The following MAP3K13 variants were observed in gnomAD, a reference collection of about 807,000 sequenced individuals.
MAP3K13 encodes mitogen-activated protein kinase kinase kinase 13, also known as leucine zipper-bearing kinase.
A neutral mutation model predicts 104.0 loss-of-function variants in MAP3K13; 52 were observed. That is an observed-to-expected ratio of 0.50 (90% CI 0.40 to 0.63). The LOEUF (loss-of-function observed/expected upper bound fraction) is 0.63. Among genes scored for constraint, MAP3K13 ranks in the 20% least tolerant of loss-of-function variants. The probability of loss-of-function intolerance (pLI) is 0.00; values close to 1 mark genes in which losing one functional copy is unlikely to be tolerated. For missense variants in MAP3K13, 914 were observed against 1,218.5 expected (o/e 0.75, Z 3.72); for synonymous variants, 394 against 442.2 (o/e 0.89, Z 1.37).
intron 1 of MAP3K13, among the ~76,000 whole-genome samples, chr3:185,285,191 C>A (rs1577392236): frequency 2.0e-5 from 3 of 152,084 alleles, no homozygotes; most frequent in Admixed American, 6.5e-5. Context: ...TACCCTTAAA[C>A]CTTGTGTTCC....
At chr3:185,384,331 TGTGTGTGA>T (rs964669726) in intron 1 of MAP3K13, among the ~76,000 whole-genome samples, 2 of 151,926 alleles carry the variant, frequency 1.3e-5, no homozygotes, top group African/African-American at 4.8e-5. Flanking sequence ...TGTGTGTGTG[TGTGTGTGA>T]GACACATTGT....
At chr3:185,362,993 AGTCT>A (rs1331456705), upstream of MAP3K13, 3 of 630,902 alleles carry the variant, frequency 4.8e-6, no homozygotes, top group Non-Finnish European at 5.9e-6. Context: ...TCAAGCTGCC[AGTCT>A]GTCTTAAGGC....
intron 1 of MAP3K13, among the ~76,000 whole-genome samples, chr3:185,400,916 T>G (rs1208785044): frequency 6.6e-6 from 1 of 150,468 alleles, no homozygotes; most frequent in African/African-American, 2.4e-5. Flanking sequence ...TTTTTTTTTT[T>G]TTTTTTGTCT....
chr3:185,292,584 G>A (rs2108674060), intron 2 of MAP3K13: 1 of 878,638 alleles, frequency 1.1e-6, no homozygotes, highest in Non-Finnish European at 1.4e-6. Flanking sequence ...ATGAAATAAT[G>A]TACATGAAAA....
chr3:185,294,896 A>T (rs1313813027), intron 2 of MAP3K13, among the ~76,000 whole-genome samples: 2 of 152,150 alleles, frequency 1.3e-5, no homozygotes, highest in African/African-American at 4.8e-5. Flanking sequence ...CTTTCAAATT[A>T]TTCACCTGTT....
At position 185,482,824 on chromosome 3, in the gene MAP3K13, A is replaced by C; in HGVS notation, c.*368A>C. 4.3e-6 allele frequency: 1 copy of C among 234,512 alleles called. No homozygotes were observed. Among genetic ancestry groups the C allele is most frequent in the Non-Finnish European group, 8.3e-6 (1 of 119,794 alleles). The allele number at this position is 234,512 out of a possible 1,614,324, so 14.5% of individuals were successfully genotyped here. On this transcript the variant is annotated 3_prime_UTR_variant, in exon 14 of 14. Coordinates refer to ENST00000265026, the MANE Select transcript of MAP3K13 (RefSeq NM_004721.5). The surrounding 1 kb of genome is among the most constrained non-coding windows in gnomAD (Gnocchi z 4.5). ...AATAATTTCTTGCAAAAAAAAAAAG[A>C]GATAAAAGAAAGAACAGAAAAAAAG...
At chr3:185,453,502 C>T (rs1454502934) in intron 7 of MAP3K13, among the ~76,000 whole-genome samples, 1 of 151,958 alleles carries the variant, frequency 6.6e-6, no homozygotes, top group Non-Finnish European at 1.5e-5. Flanking sequence ...GGGAGCTGAA[C>T]AAGTCCTTAA....
chr3:185,442,189 TA>T (rs35886405), intron 3 of MAP3K13, among the ~76,000 whole-genome samples: 101,141 of 144,686 alleles, frequency 0.7, 34,738 homozygotes, highest in Middle Eastern at 0.77. Context: ...GACTCTTTCT[TA>T]AAAAAAAAAA....
At chr3:185,441,396 G>A (rs1715312595) in intron 3 of MAP3K13, among the ~76,000 whole-genome samples, 1 of 152,172 alleles carries the variant, frequency 6.6e-6, no homozygotes, top group Non-Finnish European at 1.5e-5. Context: ...TGAACCTCTA[G>A]GCGTTGAGGT....
At chr3:185,358,946 C>G (rs982223983), upstream of MAP3K13, among the ~76,000 whole-genome samples, 3 of 152,178 alleles carry the variant, frequency 2.0e-5, no homozygotes, top group Non-Finnish European at 4.4e-5. Flanking sequence ...AAGATATTCC[C>G]CAACCACCTG....
rs1215316778 is a variant in MAP3K13, at chr3:185,482,381, C to T, written c.2826C>T (p.Asp942=). The T allele has an allele frequency of 3.1e-6, 5 of 1,613,758 alleles. No homozygotes were observed. Among genetic ancestry groups the T allele is most frequent in the African/African-American group, 1.3e-5 (1 of 74,934 alleles). The change falls in exon 14 of 14, where the codon GAC becomes GAT. Residue 942 remains aspartate, a synonymous_variant. Coordinates refer to ENST00000265026, the MANE Select transcript of MAP3K13 (RefSeq NM_004721.5). The surrounding 1 kb of genome is among the most constrained non-coding windows in gnomAD (Gnocchi z 4.5). ...YENPMQFEES[D]CDSSDGECSD... ...ACCCCATGCAGTTTGAAGAATCGGA[C>T]TGTGACTCTTCAGATGGGGAGTGTT...
At position 185,321,085 on chromosome 3, in the gene MAP3K13, CAT is replaced by C. The variant is rs561786609; in HGVS notation, c.-86+35446_-86+35447del. Among the ~76,000 whole-genome samples the C allele has an allele frequency of 2.7e-3, 402 of 151,682 alleles. 4 individuals are homozygous for C. Among genetic ancestry groups the C allele is most frequent in the African/African-American group, 9.1e-3 (378 of 41,328 alleles). On this transcript the variant is annotated intron_variant, in intron 2 of 14. Coordinates refer to the MAP3K13 transcript ENST00000424227. ...GCATGCACACACATATGCGTGCACA[CAT>C]ATACACATGCGTGCACACACATATG...
chr3:185,432,563 C>A (rs998840866), intron 2 of MAP3K13, among the ~76,000 whole-genome samples: 1 of 151,916 alleles, frequency 6.6e-6, no homozygotes, highest in Non-Finnish European at 1.5e-5. Context: ...CATAAGTGAT[C>A]GAGTACATTT....
chr3:185,287,165 G>C (rs1720542944), intron 2 of MAP3K13, among the ~76,000 whole-genome samples: 1 of 152,082 alleles, frequency 6.6e-6, no homozygotes, highest in Non-Finnish European at 1.5e-5. Flanking sequence ...ACAGTATATT[G>C]CATGTTGCTG....
intron 2 of MAP3K13, among the ~76,000 whole-genome samples, chr3:185,335,546 C>T (rs1240528680): frequency 6.6e-6 from 1 of 152,084 alleles, no homozygotes; most frequent in African/African-American, 2.4e-5. Flanking sequence ...TTCCTTGCTG[C>T]AGGTTCCATA....
intron 2 of MAP3K13, among the ~76,000 whole-genome samples, chr3:185,312,571 GAAGGGGATTAAATGCAATCGGGGC>G (rs1721532006): frequency 6.6e-6 from 1 of 152,194 alleles, no homozygotes; most frequent in South Asian, 2.1e-4. Context: ...GCTGCCCTAG[GAAGGGGATTAAATGCAATCGGGGC>G]ACTTCTAAAC....
intron 2 of MAP3K13, among the ~76,000 whole-genome samples, chr3:185,355,540 C>G (rs1403323681): frequency 6.6e-6 from 1 of 151,724 alleles, no homozygotes; most frequent in Non-Finnish European, 1.5e-5. Flanking sequence ...AAGGCTGAGG[C>G]AGGAGAATCA....
intron 1 of MAP3K13, among the ~76,000 whole-genome samples, chr3:185,424,498 G>A (rs1380750190): frequency 6.6e-6 from 1 of 152,168 alleles, no homozygotes; most frequent in Non-Finnish European, 1.5e-5. Flanking sequence ...TTATTACAAG[G>A]ATTATGGTGC....
chr3:185,361,562 G>C (rs542024866), upstream of MAP3K13, among the ~76,000 whole-genome samples: 1 of 151,966 alleles, frequency 6.6e-6, no homozygotes, highest in Admixed American at 6.5e-5. Flanking sequence ...CATCACGCCC[G>C]GCTAATTTTG....
Sources: allele counts gnomAD v4.1 joint callset (sites outside exome capture counted in the v4.1 genomes callset), GRCh38; gene constraint gnomAD v4.1.1; non-coding constraint Gnocchi (gnomAD v3.1); transcripts MANE v1.5; gene names NCBI Gene and HGNC (gene_info 2026-07-23, HGNC 2026-07-21).